Variants in SNTB1 observed in about 807,000 individuals in gnomAD.
SNTB1 encodes syntrophin beta 1.
A neutral mutation model predicts 48.9 loss-of-function variants in SNTB1; 36 were observed. That is an observed-to-expected ratio of 0.74 (90% CI 0.56 to 0.97). The LOEUF (loss-of-function observed/expected upper bound fraction) is 0.97, where lower values mean the gene tolerates loss of function less well. SNTB1 is among the 50% of genes least tolerant of loss of function. SNTB1 has a pLI of 0.00. For missense variants in SNTB1, 786 were observed against 703.4 expected, an observed-to-expected ratio of 1.12 and a Z score of -1.33; for synonymous variants, 299 against 294.6, an observed-to-expected ratio of 1.01 and a Z score of -0.15.
chr8:120,718,280 G>A (rs1213326782), intron 1 of SNTB1, among the ~76,000 whole-genome samples: 1 of 152,210 alleles, frequency 6.6e-6, no homozygotes, highest in Non-Finnish European at 1.5e-5. Context: ...AAACCTCTAG[G>A]CTCCAGGAGG....
intron 2 of SNTB1, among the ~76,000 whole-genome samples, chr8:120,633,343 T>G (rs936383131): frequency 1.3e-5 from 2 of 152,190 alleles, no homozygotes; most frequent in African/African-American, 2.4e-5. Flanking sequence ...CGCTGGCTCA[T>G]GACTGTAATC....
At chr8:120,668,331 C>T (rs1817707216) in intron 2 of SNTB1, among the ~76,000 whole-genome samples, 1 of 152,218 alleles carries the variant, frequency 6.6e-6, no homozygotes, top group Admixed American at 6.5e-5. Context: ...CAGTATCACA[C>T]ATTTTACCTG....
intron 2 of SNTB1, among the ~76,000 whole-genome samples, chr8:120,663,716 T>C (rs920871646): frequency 1.3e-5 from 2 of 151,770 alleles, no homozygotes; most frequent in Non-Finnish European, 2.9e-5. Context: ...TCAAGCAGAG[T>C]GACCTGATCA....
At chr8:120,636,678 T>C (rs1036238116) in intron 2 of SNTB1, among the ~76,000 whole-genome samples, 17 of 151,546 alleles carry the variant, frequency 1.1e-4, no homozygotes, top group African/African-American at 3.9e-4. Context: ...GTCTTTGCTA[T>C]TGTGAATAAT....
chr8:120,646,964 T>C (rs1008029722), intron 2 of SNTB1, among the ~76,000 whole-genome samples: 1 of 152,006 alleles, frequency 6.6e-6, no homozygotes, highest in Non-Finnish European at 1.5e-5. Flanking sequence ...GAGGTGTTTG[T>C]AGTATTCTCT....
intron 4 of SNTB1, among the ~76,000 whole-genome samples, chr8:120,553,792 G>A (rs921137637): frequency 6.6e-6 from 1 of 152,220 alleles, no homozygotes; most frequent in African/African-American, 2.4e-5. Flanking sequence ...GAAGTTAGGC[G>A]TTTGAGACCA....
chr8:120,802,132 G>A (rs761340104), intron 1 of SNTB1, among the ~76,000 whole-genome samples: 16 of 152,046 alleles, frequency 1.1e-4, no homozygotes, highest in Non-Finnish European at 2.1e-4. Flanking sequence ...GGACTAAATA[G>A]AGAATAAAAA....
intron 3 of SNTB1, among the ~76,000 whole-genome samples, chr8:120,593,294 C>T (rs147508415): frequency 1.3e-5 from 2 of 152,340 alleles, no homozygotes; most frequent in Admixed American, 6.5e-5. Flanking sequence ...AGGCAGTACA[C>T]AGCAGCTGAA....
chr8:120,540,349 T>A (rs756387614), intron 6 of SNTB1, among the ~76,000 whole-genome samples: 22 of 152,210 alleles, frequency 1.4e-4, no homozygotes, highest in Non-Finnish European at 2.9e-4. Flanking sequence ...GTCAACTAAA[T>A]GTACTGGCAG....
chr8:120,806,215 G>A (rs1052302886), intron 1 of SNTB1, among the ~76,000 whole-genome samples: 10 of 152,218 alleles, frequency 6.6e-5, no homozygotes, highest in African/African-American at 2.4e-4. Flanking sequence ...TAGCAACGAA[G>A]TGCAGAAGGG....
At chr8:120,691,778 C>T (rs1347125100) in intron 2 of SNTB1, among the ~76,000 whole-genome samples, 1 of 152,152 alleles carries the variant, frequency 6.6e-6, no homozygotes, top group African/African-American at 2.4e-5. Context: ...GCTGGGTATA[C>T]CATAGGCTGC....
intron 1 of SNTB1, among the ~76,000 whole-genome samples, chr8:120,788,637 A>G (rs903920108): frequency 6.6e-6 from 1 of 152,170 alleles, no homozygotes; most frequent in Non-Finnish European, 1.5e-5. Context: ...CACAAGGAAA[A>G]GACAAAGAAG....
intron 3 of SNTB1, among the ~76,000 whole-genome samples, chr8:120,631,527 C>T (rs1046007739): frequency 2.6e-5 from 4 of 152,136 alleles, no homozygotes; most frequent in East Asian, 1.9e-4. Context: ...GTTATTGTGA[C>T]GTTCCCTATT....
chr8:120,796,388 A>G (rs539354152), intron 1 of SNTB1, among the ~76,000 whole-genome samples: 4 of 152,180 alleles, frequency 2.6e-5, no homozygotes, highest in Non-Finnish European at 5.9e-5. Context: ...ATAAGATCGC[A>G]TGTGAGGTAC....
intron 1 of SNTB1, among the ~76,000 whole-genome samples, chr8:120,782,899 A>C (rs1819853466): frequency 6.6e-6 from 1 of 152,196 alleles, no homozygotes; most frequent in Admixed American, 6.5e-5. Context: ...AAACAAGGAA[A>C]ACAAGTTTCT....
intron 1 of SNTB1, among the ~76,000 whole-genome samples, chr8:120,783,018 A>G (rs932154217): frequency 1.3e-5 from 2 of 152,196 alleles, no homozygotes; most frequent in Non-Finnish European, 2.9e-5. Flanking sequence ...TGTCTAATCA[A>G]TAGTTGGTCT....
intron 1 of SNTB1, among the ~76,000 whole-genome samples, chr8:120,714,066 G>T (rs1003680046): frequency 6.6e-6 from 1 of 152,134 alleles, no homozygotes; most frequent in Non-Finnish European, 1.5e-5. Context: ...CACATTCTTT[G>T]TATGTTTAAG....
intron 1 of SNTB1, among the ~76,000 whole-genome samples, chr8:120,725,947 T>G (rs1334130893): frequency 6.6e-6 from 1 of 152,202 alleles, no homozygotes; most frequent in Non-Finnish European, 1.5e-5. Flanking sequence ...ACCATAAACA[T>G]AAAGTTATCA....
chr8:120,623,972 C>G (rs745778586), intron 3 of SNTB1, among the ~76,000 whole-genome samples: 1 of 152,266 alleles, frequency 6.6e-6, no homozygotes, highest in South Asian at 2.1e-4. Flanking sequence ...GAGTCTTGCT[C>G]TGTCACCCAG....
Sources: allele counts gnomAD v4.1 joint callset (sites outside exome capture counted in the v4.1 genomes callset), GRCh38; gene constraint gnomAD v4.1.1; transcripts MANE v1.5; gene names NCBI Gene and HGNC (gene_info 2026-07-23, HGNC 2026-07-21).